The following SS18 variants were observed in gnomAD, a reference collection of about 807,000 sequenced individuals.
The protein encoded by SS18 is protein SSXT.
SS18 carries 28 observed loss-of-function variants against 72.5 expected under a neutral mutation model. That is an observed-to-expected ratio of 0.39 (90% CI 0.29 to 0.53). SS18 has a LOEUF of 0.53. Ranked by LOEUF, SS18 falls within the 20% of genes least tolerant of loss-of-function variation. SS18 has a pLI of 0.76. For missense variants in SS18, 518 were observed against 535.3 expected, an observed-to-expected ratio of 0.97 and a Z score of 0.32; for synonymous variants, 172 against 164.2, an observed-to-expected ratio of 1.05 and a Z score of -0.37.
At chr18:26,076,714 GA>G in intron 3 of SS18, among the ~76,000 whole-genome samples, 1 of 152,038 alleles carries the variant, frequency 6.6e-6, no homozygotes, top group East Asian at 1.9e-4. Context: ...AAGAAGCTAT[GA>G]AATACTTGAG....
At chr18:26,037,486 C>T (rs2053645918) in intron 7 of SS18, among the ~76,000 whole-genome samples, 2 of 151,762 alleles carry the variant, frequency 1.3e-5, no homozygotes, top group South Asian at 2.1e-4. Flanking sequence ...ATCTTAATAC[C>T]ATGTTTACAT....
chr18:26,047,564 G>A (rs190821374), intron 5 of SS18, among the ~76,000 whole-genome samples: 6 of 152,048 alleles, frequency 3.9e-5, no homozygotes, highest in East Asian at 1.9e-4. Context: ...CCAGCCGGGC[G>A]TGGTGGCTCA....
intron 4 of SS18, among the ~76,000 whole-genome samples, chr18:26,055,232 T>G (rs1309399917): frequency 6.6e-6 from 1 of 151,932 alleles, no homozygotes; most frequent in East Asian, 2.0e-4. Flanking sequence ...TTTGGGAGGC[T>G]GAAGCGGGTG....
At chr18:26,073,701 G>C (rs905432196) in intron 3 of SS18, among the ~76,000 whole-genome samples, 2 of 152,174 alleles carry the variant, frequency 1.3e-5, no homozygotes, top group Non-Finnish European at 2.9e-5. Flanking sequence ...TGATGAAGCA[G>C]TAAAAATTAT....
intron 2 of SS18, among the ~76,000 whole-genome samples, chr18:26,085,444 A>C (rs903086367): frequency 6.6e-6 from 1 of 152,244 alleles, no homozygotes; most frequent in African/African-American, 2.4e-5. Flanking sequence ...CTAGGACTCT[A>C]AAAACCTGGC....
At chr18:26,084,742 A>G (rs1003326284) in intron 2 of SS18, among the ~76,000 whole-genome samples, 3 of 152,194 alleles carry the variant, frequency 2.0e-5, no homozygotes, top group African/African-American at 7.2e-5. Flanking sequence ...CTACTGGTCT[A>G]TACTATTCAA....
intron 10 of SS18, 145 bp from the exon 11 acceptor site, chr18:26,018,525 T>C (rs1782346971): frequency 3.6e-6 from 2 of 553,226 alleles, no homozygotes; most frequent in African/African-American, 1.9e-5. Flanking sequence ...TATCGTTAGG[T>C]ATACAGTATC....
At chr18:26,022,330 T>C (rs1216625010) in intron 10 of SS18, among the ~76,000 whole-genome samples, 1 of 151,882 alleles carries the variant, frequency 6.6e-6, no homozygotes, top group East Asian at 1.9e-4. Context: ...AAGAAGAATA[T>C]GACAATAAAC....
At chr18:26,075,728 C>A (rs1295594635) in intron 3 of SS18, among the ~76,000 whole-genome samples, 1 of 151,666 alleles carries the variant, frequency 6.6e-6, no homozygotes, top group Non-Finnish European at 1.5e-5. Context: ...GAGGTCATAG[C>A]CAGAGAAGTA....
In SS18 at chr18:26,060,947, CTT is replaced by C. The variant is rs557050451; in HGVS notation, c.232-3207_232-3206del. ...CTCCAGCCTGGGAGACAGAGCAAAA[CTT>C]TGTCTCAAAAAAAAAAAAAACAGAT... On this transcript the variant is annotated intron_variant, in intron 3 of 10. Coordinates refer to ENST00000415083, the MANE Select transcript of SS18 (RefSeq NM_001007559.3). Among the ~76,000 whole-genome samples the C allele has an allele frequency of 8.2e-3, 1,188 of 145,216 alleles. 16 individuals carry two copies. Among genetic ancestry groups the C allele is most frequent in the African/African-American group, 0.03 (1,132 of 37,650 alleles).
upstream of SS18, chr18:26,090,768 G>A (rs1445697997): frequency 4.9e-6 from 3 of 613,824 alleles, no homozygotes; most frequent in Non-Finnish European, 8.6e-6. Flanking sequence ...GCACTCTGGG[G>A]GACCCCTAGC....
rs1404003478 is a variant in SS18, at chr18:26,035,750, G to A, written c.973+81C>T. On this transcript the variant is annotated intron_variant, in intron 8 of 10. Coordinates refer to ENST00000415083, the MANE Select transcript of SS18 (RefSeq NM_001007559.3). The surrounding 1 kb of genome is among the most constrained non-coding windows in gnomAD (Gnocchi z 4.4). ...TAGTATTCTACAAGAGCTTTGCATG[G>A]GTAGAAGTTGTCTTATGCAAGAATT... The A allele has an allele frequency of 4.3e-6, 4 of 922,858 alleles. No homozygotes were observed. The highest frequency in any genetic ancestry group is 6.5e-6 in the Non-Finnish European group (4 of 618,726). 57.2% of individuals were successfully genotyped at this position (922,858 alleles called of 1,614,324 possible). A position where few individuals can be genotyped will look rare whatever the true frequency, so the allele number is the denominator to read the frequency against.
In SS18 at chr18:26,039,377, C is replaced by T; in HGVS notation, c.687G>A (p.Gln229=). The change falls in exon 6 of 11, where the codon CAG becomes CAA. Residue 229 remains glutamine, a synonymous_variant. Coordinates refer to ENST00000415083, the MANE Select transcript of SS18 (RefSeq NM_001007559.3). ...QGGGQHYQGQ[Q]PPMGMMGQVN... ...CTTGACCCATCATTCCCATAGGTGG[C>T]TGCTGTCCTTGGTAATGCTGTCCGC... is the stretch of plus-strand genomic sequence containing the variant. 1 of 1,613,902 alleles carries T rather than the reference C, an allele frequency of 6.2e-7. No homozygotes were observed. Among genetic ancestry groups the T allele is most frequent in the East Asian group, 2.2e-5 (1 of 44,876 alleles).
intron 10 of SS18, among the ~76,000 whole-genome samples, chr18:26,028,447 A>G (rs576869147): frequency 6.6e-6 from 1 of 152,322 alleles, no homozygotes; most frequent in African/African-American, 2.4e-5. Flanking sequence ...ATATGATCCA[A>G]CCATTCCACT....
chr18:26,076,498 G>A (rs2054415887), intron 3 of SS18, among the ~76,000 whole-genome samples: 2 of 151,792 alleles, frequency 1.3e-5, no homozygotes, highest in South Asian at 2.1e-4. Context: ...CATTATTCAC[G>A]AAAATAAATT....
At chr18:26,056,688 A>G (rs1390649358) in intron 4 of SS18, among the ~76,000 whole-genome samples, 1 of 152,226 alleles carries the variant, frequency 6.6e-6, no homozygotes, top group East Asian at 1.9e-4. Context: ...GCCAATTACT[A>G]ATTTTAATAA....
intron 4 of SS18, among the ~76,000 whole-genome samples, chr18:26,053,978 G>C (rs1245294533): frequency 1.3e-5 from 2 of 152,042 alleles, no homozygotes; most frequent in Admixed American, 6.6e-5. Context: ...TGGGAGATTG[G>C]TTCCAGAACC....
At position 26,090,601 on chromosome 18, in the gene SS18, G is replaced by T; in HGVS notation, c.-32C>A. The stretch of plus-strand genomic sequence containing the variant: ...GCCGTCACCACTATCGGCAAGTCCC[G>T]AGCGCTCCGGGTGAACGGCAAACTG... On this transcript the variant is annotated 5_prime_UTR_variant, in exon 1 of 11. Transcript: ENST00000415083. 1 of 1,556,104 alleles carries T rather than the reference G, an allele frequency of 6.4e-7. No homozygotes were observed. Among genetic ancestry groups the T allele is most frequent in the Non-Finnish European group, 8.7e-7 (1 of 1,150,712 alleles).
Position 26,017,831 on chromosome 18 carries a change from T to G in SS18, c.*523A>C. ...GCACACCATTTTGAGACCAAAACAA[T>G]CAAGCATCTACCATGTTCCAGTCCA... On this transcript the variant is annotated 3_prime_UTR_variant, in exon 11 of 11. Coordinates refer to ENST00000415083, the MANE Select transcript of SS18 (RefSeq NM_001007559.3). The G allele has an allele frequency of 4.4e-6, 1 of 227,784 alleles. No individual in the cohort carries two copies. Among genetic ancestry groups the G allele is most frequent in the Non-Finnish European group, 8.7e-6 (1 of 114,628 alleles). The allele number at this position is 227,784 out of a possible 1,614,324, so 14.1% of individuals were successfully genotyped here.
Sources: gnomAD v4.1 joint callset for allele counts (sites outside exome capture counted in the v4.1 genomes callset) on GRCh38, gnomAD v4.1.1 for gene constraint, Gnocchi (gnomAD v3.1) non-coding constraint, MANE v1.5 for transcripts, NCBI Gene and HGNC (gene_info 2026-07-23, HGNC 2026-07-21) for gene names.